KIAA1671: variants seen among roughly 807,000 people sequenced by gnomAD.
KIAA1671 encodes uncharacterized protein KIAA1671.
KIAA1671 carries 52 observed loss-of-function variants against 131.2 expected under a neutral mutation model. The observed-to-expected ratio is 0.40, with a 90% CI of 0.32 to 0.50. The LOEUF is 0.50. KIAA1671 is among the 20% of genes least tolerant of loss of function. The probability of loss-of-function intolerance (pLI) is 0.73; values close to 1 mark genes in which losing one functional copy is unlikely to be tolerated. For missense variants in KIAA1671, 2,360 were observed against 2,364.2 expected (o/e 1.00, Z 0.04); for synonymous variants, 1,003 against 961.6 (o/e 1.04, Z -0.80).
At chr22:25,129,517 A>AG (rs2145942019) in intron 6 of KIAA1671, among the ~76,000 whole-genome samples, 1 of 151,848 alleles carries the variant, frequency 6.6e-6, no homozygotes, top group East Asian at 1.9e-4. Context: ...GAAAAAAAAA[A>AG]AAAACCCACA....
chr22:24,986,129 A>G (rs1191024452), intron 1 of KIAA1671, among the ~76,000 whole-genome samples: 1 of 152,172 alleles, frequency 6.6e-6, no homozygotes, highest in African/African-American at 2.4e-5. Flanking sequence ...TTCTGGGCTC[A>G]TGGAATGTCA....
At chr22:25,053,682 C>T (rs1229134796) in intron 6 of KIAA1671, 1 of 152,254 alleles carries the variant, frequency 6.6e-6, no homozygotes, top group Non-Finnish European at 1.5e-5. Flanking sequence ...TGAAAATGAC[C>T]TGGGAGGGTC....
intron 6 of KIAA1671, among the ~76,000 whole-genome samples, chr22:25,153,611 G>A (rs954106329): frequency 2.0e-5 from 3 of 152,254 alleles, no homozygotes; most frequent in African/African-American, 7.2e-5. Flanking sequence ...CCCGCCTCAC[G>A]GTGTTGGTGA....
At chr22:25,088,977 C>A (rs1215430723) in intron 6 of KIAA1671, among the ~76,000 whole-genome samples, 3 of 152,134 alleles carry the variant, frequency 2.0e-5, no homozygotes, top group East Asian at 1.9e-4. Flanking sequence ...CAAAAACATT[C>A]GAAGAAAAAT....
At chr22:25,192,243 C>T (rs1934692979) in intron 12 of KIAA1671, among the ~76,000 whole-genome samples, 163 bp from the exon 13 acceptor site, 3 of 152,074 alleles carry the variant, frequency 2.0e-5, no homozygotes, top group African/African-American at 7.2e-5. Context: ...CCACCCTCCT[C>T]ACCTCCCCTT....
chr22:25,147,182 ATTTTATTTTATTTTATTTTATTT>A (rs1352381638), intron 6 of KIAA1671, among the ~76,000 whole-genome samples: 2 of 127,998 alleles, frequency 1.6e-5, no homozygotes, highest in African/African-American at 9.3e-5. Context: ...ATTTTATTTT[ATTTTATTTTATTTTATTTTATTT>A]TATTTTAGAC....
In KIAA1671 at chr22:25,029,250, G is replaced by A. The variant is rs2083538991; in HGVS notation, c.1251G>A (p.Lys417=). 3 of 1,493,704 alleles carry A rather than the reference G, an allele frequency of 2.0e-6. No individual in the cohort carries two copies. Among genetic ancestry groups the A allele is most frequent in the Middle Eastern group, 1.8e-4 (1 of 5,664 alleles). 92.5% of individuals were successfully genotyped at this position (1,493,704 alleles called of 1,614,324 possible). A position where few individuals can be genotyped will look rare whatever the true frequency, so the allele number is the denominator to read the frequency against. ...GGGGCCTAGAACTTGCTGAGGTTAA[G>A]AGCAGAGTGGCGGATGGGGAGGCCG... ...LGRGLELAEV[K]SRVADGEAAA... Residue 417 remains lysine, a synonymous_variant, in exon 3 of 13, where the codon AAG becomes AAA. Coordinates refer to ENST00000358431, the MANE Select transcript of KIAA1671 (RefSeq NM_001145206.2).
intron 6 of KIAA1671, among the ~76,000 whole-genome samples, chr22:25,100,358 C>T (rs1343983691): frequency 6.6e-6 from 1 of 152,206 alleles, no homozygotes; most frequent in African/African-American, 2.4e-5. Flanking sequence ...TTGGGGTTCA[C>T]AACCAATCTA....
intron 6 of KIAA1671, among the ~76,000 whole-genome samples, chr22:25,169,512 G>A (rs1436988410): frequency 1.3e-5 from 2 of 151,578 alleles, no homozygotes; most frequent in Non-Finnish European, 2.9e-5. Context: ...GTGTGCCAAC[G>A]GCCCATCCAA....
chr22:25,149,921 G>T (rs1169379516), intron 6 of KIAA1671, among the ~76,000 whole-genome samples: 1 of 152,012 alleles, frequency 6.6e-6, no homozygotes, highest in Non-Finnish European at 1.5e-5. Flanking sequence ...AGCCTTCCCT[G>T]ACCCCCTCCC....
intron 1 of KIAA1671, among the ~76,000 whole-genome samples, chr22:25,024,838 G>C (rs1431015083): frequency 5.9e-5 from 9 of 152,220 alleles, no homozygotes; most frequent in African/African-American, 1.9e-4. Flanking sequence ...TGATGTGAAG[G>C]ATGATGTCGT....
intron 1 of KIAA1671, among the ~76,000 whole-genome samples, chr22:24,953,498 C>G (rs542844602): frequency 4.7e-4 from 72 of 152,156 alleles, no homozygotes; most frequent in African/African-American, 1.7e-3. Context: ...CTGCGCCCCC[C>G]CTCCGCTCGT....
intron 4 of KIAA1671, among the ~76,000 whole-genome samples, chr22:25,036,070 T>G (rs1305144772): frequency 5.3e-5 from 8 of 152,060 alleles, no homozygotes; most frequent in African/African-American, 1.9e-4. Context: ...GATGCTGTCT[T>G]TATTTTATTT....
chr22:24,993,144 A>T (rs1013016783), intron 1 of KIAA1671, among the ~76,000 whole-genome samples: 3 of 152,078 alleles, frequency 2.0e-5, no homozygotes, highest in Non-Finnish European at 4.4e-5. Context: ...GAGGATGCTG[A>T]CATGTGAGAT....
At chr22:25,101,581 T>C (rs1930677213) in intron 6 of KIAA1671, among the ~76,000 whole-genome samples, 1 of 152,218 alleles carries the variant, frequency 6.6e-6, no homozygotes, top group African/African-American at 2.4e-5. Context: ...TGTGATAAAT[T>C]AACACAAGGA....
At chr22:25,179,359 C>T in intron 9 of KIAA1671, 4 of 1,601,234 alleles carry the variant, frequency 2.5e-6, no homozygotes, top group African/African-American at 1.3e-5. Context: ...ACCTCGGCCG[C>T]GTGCAGCTCC....
chr22:25,049,921 G>T (rs1006473239), intron 6 of KIAA1671: 2 of 152,626 alleles, frequency 1.3e-5, no homozygotes, highest in African/African-American at 4.8e-5. Flanking sequence ...ATACATTCAC[G>T]TGTGACCTTG....
chr22:25,009,474 A>G (rs1924918377), intron 1 of KIAA1671, among the ~76,000 whole-genome samples: 2 of 151,270 alleles, frequency 1.3e-5, no homozygotes, highest in Admixed American at 1.3e-4. Flanking sequence ...TATGTTGGCC[A>G]GGCTGGTCTC....
At chr22:25,135,690 C>G (rs895380137) in intron 6 of KIAA1671, among the ~76,000 whole-genome samples, 2 of 152,218 alleles carry the variant, frequency 1.3e-5, no homozygotes, top group African/African-American at 4.8e-5. Context: ...GAAGGTGATT[C>G]TGCCCCTCAC....
Sources: gnomAD v4.1 joint callset for allele counts (sites outside exome capture counted in the v4.1 genomes callset) on GRCh38, gnomAD v4.1.1 for gene constraint, MANE v1.5 for transcripts, NCBI Gene and HGNC (gene_info 2026-07-23, HGNC 2026-07-21) for gene names.